The following TSHZ1 variants were observed in gnomAD, a reference collection of about 807,000 sequenced individuals.
TSHZ1 encodes teashirt zinc finger homeobox 1.
A neutral mutation model predicts 67.1 loss-of-function variants in TSHZ1; 12 were observed. The ratio of observed to expected loss-of-function variants is 0.18; its 90% CI spans 0.11 to 0.29. The LOEUF is 0.29. Among genes scored for constraint, TSHZ1 ranks in the 10% least tolerant of loss-of-function variants. TSHZ1 has a pLI of 1.00. For missense variants in TSHZ1, 1,305 were observed against 1,413.9 expected (o/e 0.92, Z 1.23); for synonymous variants, 632 against 622.4 (o/e 1.02, Z -0.23).
intron 1 of TSHZ1, chr18:75,284,203 T>C (rs1488491644): frequency 6.6e-6 from 1 of 152,622 alleles, no homozygotes; most frequent in Non-Finnish European, 1.5e-5. Flanking sequence ...GGATCTGACA[T>C]GTCCTGCAGT....
chr18:75,221,378 T>G (rs2022843546), intron 1 of TSHZ1, among the ~76,000 whole-genome samples: 1 of 152,190 alleles, frequency 6.6e-6, no homozygotes, highest in Non-Finnish European at 1.5e-5. Context: ...GCAGTGAAGG[T>G]CAGTATACAT....
Position 75,246,403 on chromosome 18 carries a change from G to GGTGTGGGTGTGTGTGT in TSHZ1, c.40+34492_40+34493insGGTGTGTGTGTGTGTG, listed in dbSNP as rs2023222747. ...CTCTGATGGGGTGTTTTTGGTTTCT[G>GGTGTGGGTGTGTGTGT]GTGTGTGTGTGTGTGTGTGTGTGTG... On this transcript the variant is annotated intron_variant, in intron 1 of 1. Transcript: ENST00000580243. 1.3e-4 allele frequency among the ~76,000 whole-genome samples: 14 copies of GGTGTGGGTGTGTGTGT among 108,432 alleles called. No individual in the cohort carries two copies. The South Asian group carries it at 5.4e-3, about 41-fold the overall frequency. The allele number at this position is 108,432 out of a possible 152,430, so 71.1% of individuals were successfully genotyped here. A position where few individuals can be genotyped will look rare whatever the true frequency, so the allele number is the denominator to read the frequency against.
Position 75,211,462 on chromosome 18 carries a change from G to A in TSHZ1, c.-415G>A, listed in dbSNP as rs1423805661. On this transcript the variant is annotated 5_prime_UTR_variant, in exon 1 of 2. Transcript: ENST00000580243. ...TCGGCTCGCGGAAGAAGGCGCAGGGGAGCGCCCGGAGCGGCGCGCCGGGAG... is the reference window on the plus strand; with the variant it reads ...TCGGCTCGCGGAAGAAGGCGCAGGGAAGCGCCCGGAGCGGCGCGCCGGGAG... 1 of 150,332 alleles carries A rather than the reference G, an allele frequency of 6.7e-6. No individual in the cohort carries two copies. Among genetic ancestry groups the A allele is most frequent in the African/African-American group, 2.4e-5 (1 of 41,144 alleles). 9.3% of individuals were successfully genotyped at this position (150,332 alleles called of 1,614,324 possible). A position where few individuals can be genotyped will look rare whatever the true frequency, so the allele number is the denominator to read the frequency against.
intron 1 of TSHZ1, among the ~76,000 whole-genome samples, chr18:75,248,705 G>A (rs376248079): frequency 6.6e-6 from 1 of 152,206 alleles, no homozygotes; most frequent in Admixed American, 6.5e-5. Context: ...TAATGTTTCA[G>A]TTAACTATGA....
At chr18:75,236,299 ATTC>A (rs1568356062) in intron 1 of TSHZ1, among the ~76,000 whole-genome samples, 1 of 152,116 alleles carries the variant, frequency 6.6e-6, no homozygotes, top group African/African-American at 2.4e-5. Flanking sequence ...GGCAGACCCA[ATTC>A]TAACAGGTTC....
At position 75,269,840 on chromosome 18, in the gene TSHZ1, G is replaced by A. The variant is rs183581173; in HGVS notation, c.41-15608G>A. ...GCCCCCCTGGCTCCCAGCAGCCACC[G>A]TTCTACCTTCTGTCTCTGTGATGAA... On this transcript the variant is annotated intron_variant, in intron 1 of 1. Transcript: ENST00000580243. 1.7e-4 allele frequency among the ~76,000 whole-genome samples: 26 copies of A among 152,154 alleles called. 1 individual carries two copies. The East Asian group carries it at 4.8e-3, about 28-fold the overall frequency.
In TSHZ1 at chr18:75,285,631, G is replaced by T. The variant is rs752567210; in HGVS notation, c.224G>T (p.Gly75Val). The T allele has an allele frequency of 2.5e-6, 4 of 1,613,514 alleles. No homozygotes were observed. The Admixed American group carries it at 5.0e-5, about 20-fold the overall frequency. Reference protein sequence around the residue: ...SSATNQDAGYGSPFSESSDQL... With the variant: ...SSATNQDAGYVSPFSESSDQL... Reference sequence around the variant, plus strand: ...GCGACTAACCAGGACGCCGGCTACGGGTCGCCCTTCAGTGAGAGCAGCGAC... The same window carrying T: ...GCGACTAACCAGGACGCCGGCTACGTGTCGCCCTTCAGTGAGAGCAGCGAC... Residue 75 changes from glycine to valine, a missense_variant, in exon 2 of 2, where the codon GGG becomes GTG. Transcript: ENST00000580243.
intron 1 of TSHZ1, among the ~76,000 whole-genome samples, chr18:75,212,136 C>A (rs185003908): frequency 6.6e-6 from 1 of 152,054 alleles, no homozygotes; most frequent in Admixed American, 6.5e-5. Context: ...GTTCGCGGTG[C>A]TTCTCTGCGC....
intron 1 of TSHZ1, among the ~76,000 whole-genome samples, chr18:75,257,313 G>A (rs779233035): frequency 6.6e-5 from 10 of 152,144 alleles, no homozygotes; most frequent in Non-Finnish European, 1.3e-4. Flanking sequence ...CTTTTTTAAA[G>A]GGCTGGGTCC....
intron 1 of TSHZ1, among the ~76,000 whole-genome samples, chr18:75,225,476 A>G (rs2022912946): frequency 6.6e-6 from 1 of 152,136 alleles, no homozygotes; most frequent in Non-Finnish European, 1.5e-5. Flanking sequence ...GAGCTGGCCC[A>G]TCTCTGTACG....
chr18:75,274,420 C>T (rs968828309), intron 1 of TSHZ1, among the ~76,000 whole-genome samples: 1 of 152,042 alleles, frequency 6.6e-6, no homozygotes, highest in Admixed American at 6.6e-5. Flanking sequence ...TGACTATTTT[C>T]TGTGATTCAG....
chr18:75,222,405 T>C (rs1298008862), intron 1 of TSHZ1, among the ~76,000 whole-genome samples: 1 of 152,162 alleles, frequency 6.6e-6, no homozygotes, highest in Non-Finnish European at 1.5e-5. Context: ...GAAAAATTAG[T>C]GTCTCAAAAG....
At position 75,211,776 on chromosome 18, in the gene TSHZ1, T is replaced by C; in HGVS notation, c.-101T>C. The C allele has an allele frequency of 2.6e-6, 2 of 762,524 alleles. No homozygotes were observed. The highest frequency in any genetic ancestry group is 3.2e-6 in the Non-Finnish European group (2 of 626,728). 47.2% of individuals were successfully genotyped at this position (762,524 alleles called of 1,614,324 possible). On this transcript the variant is annotated 5_prime_UTR_variant, in exon 1 of 2. Coordinates refer to ENST00000580243, the MANE Select transcript of TSHZ1 (RefSeq NM_001308210.2). ...GGAGCCCGCGGGGACGAGGCCAAAG[T>C]TGGGCGCGCCGCGGAGTTGCGCCCG...
In TSHZ1 at chr18:75,275,722, GGGGTAAAAACT is replaced by G. The variant is rs2023607177; in HGVS notation, c.41-9724_41-9714del. On this transcript the variant is annotated intron_variant, in intron 1 of 1. Transcript: ENST00000580243. Reference sequence around the variant, plus strand: ...TAGGATTTATCTTTCCCCAGACGTGGGGGTAAAAACTGAAATCGGCTGATGTTTTGAGTGCA... The same window carrying G: ...TAGGATTTATCTTTCCCCAGACGTGGGAAATCGGCTGATGTTTTGAGTGCA... Among the ~76,000 whole-genome samples, 4 of 152,170 alleles carry G rather than the reference GGGGTAAAAACT, an allele frequency of 2.6e-5. No homozygotes were observed. The South Asian group carries it at 8.3e-4, about 32-fold the overall frequency.
intron 1 of TSHZ1, among the ~76,000 whole-genome samples, chr18:75,246,234 C>T (rs1385498603): frequency 6.6e-6 from 1 of 152,208 alleles, no homozygotes; most frequent in Non-Finnish European, 1.5e-5. Flanking sequence ...GATGCATGCA[C>T]TGTTCAGGGC....
intron 1 of TSHZ1, among the ~76,000 whole-genome samples, chr18:75,278,106 C>T (rs540018499): frequency 3.3e-5 from 5 of 152,206 alleles, no homozygotes; most frequent in African/African-American, 7.2e-5. Flanking sequence ...AGTGTAAGCC[C>T]CATAGAGGCG....
intron 1 of TSHZ1, among the ~76,000 whole-genome samples, chr18:75,225,388 G>C (rs1353676550): frequency 6.6e-6 from 1 of 152,224 alleles, no homozygotes; most frequent in Non-Finnish European, 1.5e-5. Context: ...CGTGGAGCTC[G>C]CGGGAGAGTT....
At chr18:75,212,166 C>T (rs2022704377) in intron 1 of TSHZ1, among the ~76,000 whole-genome samples, 1 of 152,006 alleles carries the variant, frequency 6.6e-6, no homozygotes, top group Non-Finnish European at 1.5e-5. Context: ...CCCGGATGGC[C>T]GGGGGAGGCC....
chr18:75,279,077 C>G (rs1011589584), intron 1 of TSHZ1, among the ~76,000 whole-genome samples: 1 of 152,068 alleles, frequency 6.6e-6, no homozygotes, highest in Non-Finnish European at 1.5e-5. Context: ...GGCCCCTGGC[C>G]TGGGGTGGTG....
Sources: gnomAD v4.1 joint callset for allele counts (sites outside exome capture counted in the v4.1 genomes callset) on GRCh38, gnomAD v4.1.1 for gene constraint, MANE v1.5 for transcripts, NCBI Gene and HGNC (gene_info 2026-07-23, HGNC 2026-07-21) for gene names.